Variants in ARHGAP32 observed in about 807,000 individuals in gnomAD.
The protein encoded by ARHGAP32 is rho GTPase-activating protein 32.
In ARHGAP32, 51 loss-of-function variants were observed where a neutral mutation model predicts 186.5. The observed-to-expected ratio is 0.27, with a 90% CI of 0.22 to 0.35. ARHGAP32 has a LOEUF of 0.35. ARHGAP32 is among the 10% of genes least tolerant of loss of function. The pLI is 1.00. For synonymous variants in ARHGAP32, 950 were observed against 964.3 expected, an observed-to-expected ratio of 0.99 and a Z score of 0.27; for missense variants, 2,186 against 2,623.5, an observed-to-expected ratio of 0.83 and a Z score of 3.64.
intron 2 of ARHGAP32, among the ~76,000 whole-genome samples, chr11:129,135,488 C>T (rs1361515048): frequency 6.6e-6 from 1 of 152,194 alleles, no homozygotes; most frequent in East Asian, 1.9e-4. Context: ...TGAACGCTGG[C>T]CGGGCGTGGT....
intron 2 of ARHGAP32, among the ~76,000 whole-genome samples, chr11:129,135,101 T>G (rs1254957490): frequency 1.3e-5 from 2 of 152,192 alleles, no homozygotes; most frequent in Non-Finnish European, 2.9e-5. Context: ...TTGCATAGAT[T>G]AGAAGATACA....
intron 20 of ARHGAP32, among the ~76,000 whole-genome samples, chr11:128,975,463 A>G (rs544989420): frequency 1.3e-4 from 20 of 152,192 alleles, no homozygotes; most frequent in Admixed American, 3.3e-4. Context: ...ACAATATTCA[A>G]ATTTCTAAAT....
At chr11:129,129,418 G>A (rs1251411977) in intron 2 of ARHGAP32, among the ~76,000 whole-genome samples, 2 of 145,686 alleles carry the variant, frequency 1.4e-5, no homozygotes, top group Non-Finnish European at 3.0e-5. Context: ...AGGGAGGTAG[G>A]GGGCAGCCCC....
At chr11:129,237,940 C>T (rs1037704832) in intron 1 of ARHGAP32, among the ~76,000 whole-genome samples, 2 of 152,014 alleles carry the variant, frequency 1.3e-5, no homozygotes, top group African/African-American at 4.8e-5. Context: ...GTGATTTAGA[C>T]TAGGGTGGTA....
chr11:129,264,246 A>G (rs1401398485), intron 1 of ARHGAP32, among the ~76,000 whole-genome samples: 3 of 152,210 alleles, frequency 2.0e-5, no homozygotes, highest in Non-Finnish European at 4.4e-5. Context: ...GGAGAAGGGG[A>G]AAATGGCAAG....
intron 5 of ARHGAP32, among the ~76,000 whole-genome samples, chr11:129,107,865 T>C (rs1450062977): frequency 2.8e-4 from 32 of 113,524 alleles, no homozygotes; most frequent in African/African-American, 1.0e-3. Context: ...CAAAACTATG[T>C]TTCAAAAAAA....
chr11:128,996,841 G>A (rs1218218598), intron 12 of ARHGAP32, among the ~76,000 whole-genome samples: 1 of 151,984 alleles, frequency 6.6e-6, no homozygotes, highest in Non-Finnish European at 1.5e-5. Flanking sequence ...GAGTGCAGTG[G>A]CGTGAAATCA....
chr11:129,223,859 A>G (rs1233084065), intron 1 of ARHGAP32, among the ~76,000 whole-genome samples: 7 of 152,204 alleles, frequency 4.6e-5, no homozygotes, highest in Non-Finnish European at 5.9e-5. Context: ...TTTCAGCCAA[A>G]GAAAGAATCC....
At chr11:129,195,804 G>A (rs377165569), upstream of ARHGAP32, among the ~76,000 whole-genome samples, 17 of 152,192 alleles carry the variant, frequency 1.1e-4, no homozygotes, top group African/African-American at 2.7e-4. Context: ...AAAATCCAGC[G>A]GAATCAACAG....
In ARHGAP32 at chr11:129,053,555, C is replaced by G. The variant is rs145421194; in HGVS notation, c.963+8725G>C. Among the ~76,000 whole-genome samples the G allele has an allele frequency of 1.4e-3, 219 of 152,216 alleles. 1 individual carries two copies. The highest frequency in any genetic ancestry group is 4.9e-3 in the African/African-American group (202 of 41,536). On this transcript the variant is annotated intron_variant, in intron 10 of 22. Transcript: ENST00000682385. Reference sequence around the variant, plus strand: ...ATTATTACCATGCTCTGTTATATGCCTAAAATGCATAGGCTTCAACAGAAA... The same window carrying G: ...ATTATTACCATGCTCTGTTATATGCGTAAAATGCATAGGCTTCAACAGAAA...
intron 5 of ARHGAP32, among the ~76,000 whole-genome samples, chr11:129,102,875 T>C (rs1301371257): frequency 1.3e-5 from 2 of 152,136 alleles, no homozygotes; most frequent in Non-Finnish European, 1.5e-5. Context: ...CACTTCTGGG[T>C]ATACACCCCC....
intron 11 of ARHGAP32, among the ~76,000 whole-genome samples, chr11:129,004,358 G>GA (rs2134775591): frequency 6.6e-6 from 1 of 151,194 alleles, no homozygotes; most frequent in East Asian, 1.9e-4. Flanking sequence ...GCAGCTGTTG[G>GA]ATGAAGTGTC....
intron 11 of ARHGAP32, among the ~76,000 whole-genome samples, chr11:129,038,888 GAA>G (rs56810685): frequency 2.1e-3 from 195 of 92,158 alleles, no homozygotes; most frequent in African/African-American, 5.2e-3. Context: ...ACCCTGTCTC[GAA>G]AAAAAAAAAA....
At chr11:129,142,195 C>A (rs1185467784) in intron 2 of ARHGAP32, among the ~76,000 whole-genome samples, 2 of 152,068 alleles carry the variant, frequency 1.3e-5, no homozygotes, top group Admixed American at 6.6e-5. Flanking sequence ...AGAAATACCC[C>A]GGCTCTTCCC....
At chr11:129,255,968 AGTT>A (rs2135700787) in intron 1 of ARHGAP32, among the ~76,000 whole-genome samples, 1 of 152,270 alleles carries the variant, frequency 6.6e-6, no homozygotes, top group East Asian at 1.9e-4. Context: ...ACAGTAGATA[AGTT>A]GAGATGCAGT....
At chr11:129,121,469 C>A (rs1942526585) in intron 5 of ARHGAP32, among the ~76,000 whole-genome samples, 1 of 152,008 alleles carries the variant, frequency 6.6e-6, no homozygotes, top group African/African-American at 2.4e-5. Flanking sequence ...CAAAACTGGG[C>A]AGGAGAGCTG....
At chr11:129,056,054 C>T (rs1010497041) in intron 10 of ARHGAP32, among the ~76,000 whole-genome samples, 3 of 152,044 alleles carry the variant, frequency 2.0e-5, no homozygotes, top group Non-Finnish European at 4.4e-5. Flanking sequence ...CTCCTTAGAC[C>T]ACTCTTCTAG....
At chr11:129,198,546 C>T (rs563926586) in intron 1 of ARHGAP32, among the ~76,000 whole-genome samples, 2 of 152,298 alleles carry the variant, frequency 1.3e-5, no homozygotes, top group East Asian at 3.9e-4. Flanking sequence ...GCACCCCTGT[C>T]GCTTGGCTCT....
At chr11:129,127,185 G>A (rs1389054112) in intron 2 of ARHGAP32, among the ~76,000 whole-genome samples, 1 of 152,172 alleles carries the variant, frequency 6.6e-6, no homozygotes, top group Admixed American at 6.5e-5. Context: ...TAATCCGAAT[G>A]AGGGAGGAAC....
Sources: allele counts gnomAD v4.1 joint callset (sites outside exome capture counted in the v4.1 genomes callset), GRCh38; gene constraint gnomAD v4.1.1; transcripts MANE v1.5; gene names NCBI Gene and HGNC (gene_info 2026-07-23, HGNC 2026-07-21).